Variants in GABRA3 observed in about 807,000 individuals in gnomAD.
The protein encoded by GABRA3 is gamma-aminobutyric acid receptor subunit alpha-3.
GABRA3 carries 10 observed loss-of-function variants against 30.1 expected under a neutral mutation model. That is an observed-to-expected ratio of 0.33 (90% CI 0.20 to 0.56). The LOEUF (loss-of-function observed/expected upper bound fraction) is 0.56. GABRA3 is among the 20% of genes least tolerant of loss of function. GABRA3 has a pLI of 0.89. For synonymous variants in GABRA3, 151 were observed against 146.8 expected (o/e 1.03, Z -0.21); for missense variants, 233 against 392.0 (o/e 0.59, Z 3.42).
chrX:152,295,934 A>C (rs930490025), intron 3 of GABRA3, among the ~76,000 whole-genome samples: 3 of 111,836 alleles, frequency 2.7e-5, no homozygotes, highest in Admixed American at 9.5e-5. Context: ...TGTCCCTCTG[A>C]AATACATTTT....
chrX:152,305,722 G>T (rs970427834), intron 3 of GABRA3, among the ~76,000 whole-genome samples: 1 of 110,965 alleles, frequency 9.0e-6, no homozygotes, highest in African/African-American at 3.3e-5. Flanking sequence ...AAACTATATT[G>T]TGCATGTTAT....
chrX:152,269,016 T>C (rs1364920752), intron 4 of GABRA3, among the ~76,000 whole-genome samples: 1 of 112,428 alleles, frequency 8.9e-6, no homozygotes, highest in Non-Finnish European at 1.9e-5. Context: ...ATACATGATA[T>C]AAATTCTATT....
At chrX:152,225,430 A>ACACG (rs1313807875) in intron 5 of GABRA3, among the ~76,000 whole-genome samples, 479 of 20,540 alleles carry the variant, frequency 0.023, 7 homozygotes, top group African/African-American at 0.053. Context: ...ACACACACAC[A>ACACG]CGCACACACA....
At chrX:152,271,445 A>G (rs992623427) in intron 4 of GABRA3, among the ~76,000 whole-genome samples, 3 of 112,431 alleles carry the variant, frequency 2.7e-5, no homozygotes, top group African/African-American at 9.7e-5. Context: ...GATCTGTGGA[A>G]CTTTGAACTT....
intron 3 of GABRA3, among the ~76,000 whole-genome samples, chrX:152,331,310 C>A (rs1940162536): frequency 9.1e-6 from 1 of 109,867 alleles, no homozygotes; most frequent in African/African-American, 3.3e-5. Flanking sequence ...GGTAATCAAG[C>A]AGAAGCTAGA....
chrX:152,318,958 A>C (rs1053053898), intron 3 of GABRA3, among the ~76,000 whole-genome samples: 3 of 111,576 alleles, frequency 2.7e-5, no homozygotes, highest in Middle Eastern at 4.6e-3. Context: ...CACCACTTCT[A>C]TTTAACATAG....
intron 3 of GABRA3, among the ~76,000 whole-genome samples, chrX:152,297,867 C>A (rs1480843497): frequency 6.2e-5 from 7 of 112,191 alleles, no homozygotes; most frequent in Non-Finnish European, 1.3e-4. Flanking sequence ...AAATAGAGTT[C>A]ACTCCCAAGA....
chrX:152,205,272 T>C (rs948790418), intron 7 of GABRA3, among the ~76,000 whole-genome samples: 1 of 111,645 alleles, frequency 9.0e-6, no homozygotes, highest in African/African-American at 3.3e-5. Context: ...AATAGGAGTG[T>C]GAATTGTTTA....
At chrX:152,213,476 ATC>A (rs1205330122) in intron 6 of GABRA3, among the ~76,000 whole-genome samples, 47 of 111,724 alleles carry the variant, frequency 4.2e-4, no homozygotes, top group African/African-American at 1.5e-3. Flanking sequence ...GTAAGAGAAG[ATC>A]TCTCTGAGGG....
chrX:152,197,898 C>A (rs2124354264), intron 7 of GABRA3, 113 bp from the exon 8 acceptor site: 1 of 559,593 alleles, frequency 1.8e-6, no homozygotes, highest in South Asian at 4.2e-5. Flanking sequence ...ATTCCAGCAT[C>A]TCCCAAGTTC....
At chrX:152,322,535 T>C (rs1370020914) in intron 3 of GABRA3, among the ~76,000 whole-genome samples, 1 of 109,972 alleles carries the variant, frequency 9.1e-6, no homozygotes, top group Non-Finnish European at 1.9e-5. Context: ...TAAAGTCAAC[T>C]CTTTTTTTTT....
At chrX:152,269,777 C>G (rs1569375945) in intron 4 of GABRA3, among the ~76,000 whole-genome samples, 2 of 112,007 alleles carry the variant, frequency 1.8e-5, no homozygotes, top group East Asian at 5.6e-4. Context: ...GCTGGGAAAA[C>G]AGAATAACCC....
At chrX:152,186,605 CTCTCTCTCTCT>C (rs1257735488) in intron 9 of GABRA3, among the ~76,000 whole-genome samples, 29 of 105,932 alleles carry the variant, frequency 2.7e-4, no homozygotes, top group African/African-American at 6.6e-4. Context: ...CTTTATCTCT[CTCTCTCTCTCT>C]TCTCTCTCTC....
chrX:152,245,298 T>C (rs1938446171), intron 5 of GABRA3, among the ~76,000 whole-genome samples: 1 of 111,186 alleles, frequency 9.0e-6, no homozygotes, highest in Non-Finnish European at 1.9e-5. Flanking sequence ...TCTATAATAA[T>C]GGAGTAAAGG....
At chrX:152,447,854 T>C (rs947698915) in intron 1 of GABRA3, among the ~76,000 whole-genome samples, 5 of 111,805 alleles carry the variant, frequency 4.5e-5, no homozygotes, top group African/African-American at 1.3e-4. Flanking sequence ...CCTAGACCAG[T>C]GCACTCAAAA....
At chrX:152,177,463 T>C (rs890745654) in intron 9 of GABRA3, among the ~76,000 whole-genome samples, 1 of 111,082 alleles carries the variant, frequency 9.0e-6, no homozygotes, top group Non-Finnish European at 1.9e-5. Flanking sequence ...ATGGAACATA[T>C]GGCCTCATGT....
At chrX:152,426,387 A>G (rs1335765619) in intron 1 of GABRA3, among the ~76,000 whole-genome samples, 1 of 111,985 alleles carries the variant, frequency 8.9e-6, no homozygotes, top group Non-Finnish European at 1.9e-5. Context: ...CTGGATTAAG[A>G]GATATCCAGT....
rs181783624 is a variant in GABRA3 at position 152,347,992 on chromosome X, G to C, written c.141-2290C>G. ...TGCATGGGCAACAGAGCAAGACCCTGTCTAAAATAAATAAATAAATAAATA... is the reference window on the plus strand; with the variant it reads ...TGCATGGGCAACAGAGCAAGACCCTCTCTAAAATAAATAAATAAATAAATA... On this transcript the variant is annotated intron_variant, in intron 2 of 9. Coordinates refer to ENST00000370314, the MANE Select transcript of GABRA3 (RefSeq NM_000808.4). 1.5e-3 allele frequency among the ~76,000 whole-genome samples: 166 copies of C among 111,331 alleles called. 1 individual carries two copies. The highest frequency in any genetic ancestry group is 5.3e-3 in the African/African-American group (162 of 30,670).
chrX:152,188,566 G>A (rs1466805618), intron 9 of GABRA3, among the ~76,000 whole-genome samples: 2 of 110,535 alleles, frequency 1.8e-5, no homozygotes, highest in African/African-American at 6.6e-5. Flanking sequence ...TATTTTAAGG[G>A]TACAAAAGTA....
Sources: allele counts gnomAD v4.1 joint callset (sites outside exome capture counted in the v4.1 genomes callset), GRCh38; gene constraint gnomAD v4.1.1; transcripts MANE v1.5; gene names NCBI Gene and HGNC (gene_info 2026-07-23, HGNC 2026-07-21).